Variants in SOX5 observed in about 807,000 individuals in gnomAD.
The protein encoded by SOX5 is transcription factor SOX-5.
SOX5 carries 9 observed loss-of-function variants against 92.0 expected under a neutral mutation model. The ratio of observed to expected loss-of-function variants is 0.10; its 90% CI spans 0.06 to 0.17. The LOEUF is 0.17. Among genes scored for constraint, SOX5 ranks in the 10% least tolerant of loss-of-function variants. SOX5 has a pLI of 1.00. For synonymous variants in SOX5, 344 were observed against 336.3 expected (o/e 1.02, Z -0.25); for missense variants, 642 against 944.5 (o/e 0.68, Z 4.20).
At chr12:24,386,939 A>G (rs1958473107) in intron 1 of SOX5, among the ~76,000 whole-genome samples, 2 of 152,242 alleles carry the variant, frequency 1.3e-5, no homozygotes, top group South Asian at 2.1e-4. Flanking sequence ...TATTCCTTCC[A>G]AATCCCACAT....
At chr12:23,726,164 A>AGAGAGAGAGAGAGAGG in intron 6 of SOX5, among the ~76,000 whole-genome samples, 1 of 65,634 alleles carries the variant, frequency 1.5e-5, no homozygotes, top group Non-Finnish European at 3.2e-5. Context: ...AGAGAGAGAG[A>AGAGAGAGAGAGAGAGG]GAGAGAGAGA....
chr12:24,421,374 C>T (rs546865017), intron 1 of SOX5, among the ~76,000 whole-genome samples: 81 of 152,232 alleles, frequency 5.3e-4, no homozygotes, highest in Non-Finnish European at 9.9e-4. Context: ...GTATGTTACA[C>T]GCTTGTATGT....
chr12:23,603,298 T>C (rs1200302567), intron 9 of SOX5, among the ~76,000 whole-genome samples: 1 of 151,718 alleles, frequency 6.6e-6, no homozygotes, highest in Non-Finnish European at 1.5e-5. Context: ...TTTTCTCTTT[T>C]AATATTTTCT....
chr12:23,792,622 C>CAAAAAAAAAAAAAAAAAAAAAAAA (rs749845598), intron 3 of SOX5, among the ~76,000 whole-genome samples: 2 of 38,964 alleles, frequency 5.1e-5, no homozygotes, highest in Non-Finnish European at 3.8e-5. Flanking sequence ...GGCTCTGTCT[C>CAAAAAAAAAAAAAAAAAAAAAAAA]AAAAAAAAAA....
At chr12:24,103,964 G>A (rs1946384537) in intron 4 of SOX5, among the ~76,000 whole-genome samples, 1 of 152,152 alleles carries the variant, frequency 6.6e-6, no homozygotes, top group Non-Finnish European at 1.5e-5. Flanking sequence ...GTTTAAAGCT[G>A]GAAGAAATAA....
chr12:24,429,033 T>C (rs986002472), intron 1 of SOX5, among the ~76,000 whole-genome samples: 1 of 152,202 alleles, frequency 6.6e-6, no homozygotes, highest in South Asian at 2.1e-4. Context: ...GTTGGAATAG[T>C]ATGGCCGGGC....
chr12:23,584,018 A>G (rs1235723532), intron 9 of SOX5, among the ~76,000 whole-genome samples: 1 of 152,144 alleles, frequency 6.6e-6, no homozygotes, highest in African/African-American at 2.4e-5. Flanking sequence ...ATCAAATTCT[A>G]CTATCATCTC....
At chr12:24,188,580 G>A (rs1319137746) in intron 4 of SOX5, among the ~76,000 whole-genome samples, 1 of 151,940 alleles carries the variant, frequency 6.6e-6, no homozygotes, top group Non-Finnish European at 1.5e-5. Flanking sequence ...AAAATAACCT[G>A]GAAATCAAGT....
chr12:24,257,519 A>C (rs1941401376), intron 3 of SOX5, among the ~76,000 whole-genome samples: 1 of 151,910 alleles, frequency 6.6e-6, no homozygotes, highest in African/African-American at 2.4e-5. Flanking sequence ...CCCACGCTGG[A>C]GTGCAGTGGC....
At chr12:24,112,128 T>A (rs1006692832) in intron 4 of SOX5, among the ~76,000 whole-genome samples, 1 of 152,162 alleles carries the variant, frequency 6.6e-6, no homozygotes, top group African/African-American at 2.4e-5. Context: ...CATGCAAAAA[T>A]TTTAAGACGT....
At position 24,023,618 on chromosome 12, in the gene SOX5, G is replaced by C. The variant is rs1357903705; in HGVS notation, c.-1-127594C>G. Reference sequence around the variant, plus strand: ...GTTCCTTTTACTGAGTTTTGACATTGGCACAGGTAGTGGTAAATTTGGGGT... The same window carrying C: ...GTTCCTTTTACTGAGTTTTGACATTCGCACAGGTAGTGGTAAATTTGGGGT... On this transcript the variant is annotated intron_variant, in intron 4 of 4. Coordinates refer to the SOX5 transcript ENST00000446891. Among the ~76,000 whole-genome samples, 3 of 152,108 alleles carry C rather than the reference G, an allele frequency of 2.0e-5. No individual in the cohort carries two copies. In the East Asian group the frequency reaches 5.8e-4, roughly 29 times the overall value.
intron 4 of SOX5, among the ~76,000 whole-genome samples, chr12:23,965,894 C>T (rs1947502214): frequency 6.6e-6 from 1 of 152,136 alleles, no homozygotes; most frequent in South Asian, 2.1e-4. Flanking sequence ...GCAGGGATTG[C>T]AGCTGTGAGC....
At chr12:24,328,495 A>C (rs1357414024) in intron 2 of SOX5, among the ~76,000 whole-genome samples, 2 of 152,226 alleles carry the variant, frequency 1.3e-5, no homozygotes, top group African/African-American at 4.8e-5. Context: ...AATCTGCCAG[A>C]TTTGACATCT....
chr12:24,193,650 C>T (rs1412208178), intron 4 of SOX5, among the ~76,000 whole-genome samples: 1 of 152,132 alleles, frequency 6.6e-6, no homozygotes, highest in Non-Finnish European at 1.5e-5. Context: ...TGAATTTGTA[C>T]ATATCAGTGA....
chr12:23,884,455 C>CTTTT (rs1275823575), intron 2 of SOX5, among the ~76,000 whole-genome samples: 1 of 151,978 alleles, frequency 6.6e-6, no homozygotes, highest in African/African-American at 2.4e-5. Context: ...GCCTATTATT[C>CTTTT]TAAAAACAGT....
intron 7 of SOX5, among the ~76,000 whole-genome samples, chr12:23,652,685 C>T (rs961849206): frequency 2.6e-5 from 4 of 151,928 alleles, no homozygotes; most frequent in African/African-American, 9.7e-5. Flanking sequence ...TGAAAGTAAC[C>T]TTGATTTCTC....
chr12:24,316,570 G>A (rs1949715447), intron 2 of SOX5, among the ~76,000 whole-genome samples: 1 of 152,134 alleles, frequency 6.6e-6, no homozygotes, highest in Non-Finnish European at 1.5e-5. Flanking sequence ...AGGAAGGAAG[G>A]AAGGAAGAAG....
At chr12:24,230,353 A>G (rs1963109907) in intron 3 of SOX5, among the ~76,000 whole-genome samples, 1 of 152,204 alleles carries the variant, frequency 6.6e-6, no homozygotes, top group Non-Finnish European at 1.5e-5. Context: ...GAAATAGTGC[A>G]GCCAGGAACA....
chr12:23,617,346 A>G lies in SOX5; in HGVS notation c.1018-12813T>C, dbSNP rs1007486549. Among the ~76,000 whole-genome samples the G allele has an allele frequency of 6.6e-5, 10 of 152,158 alleles. No homozygotes were observed. The East Asian group carries it at 1.3e-3, about 21-fold the overall frequency. ...GAAAATATCACTCTTGCCTGATATA[A>G]CTTGGAAAAGCTTGGATACAAAAGT... On this transcript the variant is annotated intron_variant, in intron 8 of 14. Transcript: ENST00000451604.
Sources: gnomAD v4.1 joint callset for allele counts (sites outside exome capture counted in the v4.1 genomes callset) on GRCh38, gnomAD v4.1.1 for gene constraint, MANE v1.5 for transcripts, NCBI Gene and HGNC (gene_info 2026-07-23, HGNC 2026-07-21) for gene names.